NBEA: variants seen among roughly 807,000 people sequenced by gnomAD.
NBEA encodes neurobeachin.
NBEA carries 44 observed loss-of-function variants against 343.4 expected under a neutral mutation model. The ratio of observed to expected loss-of-function variants is 0.13; its 90% confidence interval spans 0.10 to 0.16. The LOEUF (loss-of-function observed/expected upper bound fraction) is 0.16, where lower values mean the gene tolerates loss of function less well. Among genes scored for constraint, NBEA ranks in the 10% least tolerant of loss-of-function variants. The pLI, the probability that NBEA is intolerant of heterozygous loss-of-function variation, is 1.00. For synonymous variants in NBEA, 1,175 were observed against 1,238.7 expected (o/e 0.95, Z 1.08); for missense variants, 2,555 against 3,631.3 (o/e 0.70, Z 7.62).
At chr13:35,082,624 A>G (rs1222668051) in intron 10 of NBEA, among the ~76,000 whole-genome samples, 1 of 152,056 alleles carries the variant, frequency 6.6e-6, no homozygotes, top group East Asian at 1.9e-4. Context: ...CTGGTATGAG[A>G]TGGTGTCTCA....
chr13:35,173,682 T>C, intron 27 of NBEA, 88 bp downstream of exon 27: 3 of 1,323,818 alleles, frequency 2.3e-6, no homozygotes, highest in Non-Finnish European at 2.1e-6. Context: ...ATGGTATTGC[T>C]CAGTGATAGA....
chr13:35,524,638 G>A (rs1463684776), intron 41 of NBEA, among the ~76,000 whole-genome samples: 2 of 151,696 alleles, frequency 1.3e-5, no homozygotes, highest in African/African-American at 4.8e-5. Context: ...ATTTTCCAAA[G>A]GAAAAAAACA....
rs567687129 is a variant in NBEA at position 35,653,993 on chromosome 13, G to A, written c.8036-862G>A. Among the ~76,000 whole-genome samples, 18 of 152,282 alleles carry A rather than the reference G, an allele frequency of 1.2e-4. 1 individual carries two copies. Among genetic ancestry groups the A allele is most frequent in the African/African-American group, 4.1e-4 (17 of 41,554 alleles). On this transcript the variant is annotated intron_variant, in intron 53 of 58. Coordinates refer to ENST00000379939, the MANE Select transcript of NBEA (RefSeq NM_001385012.1). ...GTTTCTTAGTAATTATTTTTATACT[G>A]TTAGTAGATATCTACAGATAGTAGT...
intron 31 of NBEA, among the ~76,000 whole-genome samples, chr13:35,205,716 C>T (rs1003118465): frequency 6.6e-6 from 1 of 151,988 alleles, no homozygotes; most frequent in African/African-American, 2.4e-5. Context: ...TATATCAGCA[C>T]TTTTGGGAGC....
At position 35,211,129 on chromosome 13, in the gene NBEA, A is replaced by G; in HGVS notation, c.5598A>G (p.Pro1866=). Residue 1866 remains proline (P), a synonymous_variant, in exon 33 of 59, where the codon CCA becomes CCG. Coordinates refer to ENST00000379939, the MANE Select transcript of NBEA (RefSeq NM_001385012.1). ...FVNGATSKNL[P]AVQTVAPMPE... ...ATGGTGCTACTAGCAAAAACCTTCC[A>G]GCTGTACAAACTGTTGCTCCAATGC... The G allele has an allele frequency of 1.3e-6, 2 of 1,553,336 alleles. No homozygotes were observed. The highest frequency in any genetic ancestry group is 1.7e-6 in the Non-Finnish European group (2 of 1,147,436).
chr13:35,591,329 T>A (rs1241155193), intron 46 of NBEA, among the ~76,000 whole-genome samples: 1 of 152,110 alleles, frequency 6.6e-6, no homozygotes, highest in African/African-American at 2.4e-5. Context: ...TTTAATATAA[T>A]TTAGTGACAG....
intron 39 of NBEA, among the ~76,000 whole-genome samples, chr13:35,446,682 T>C (rs999298542): frequency 2.6e-5 from 4 of 152,230 alleles, no homozygotes; most frequent in Non-Finnish European, 4.4e-5. Context: ...AGTAAAATAG[T>C]GAGGTTAAAT....
intron 11 of NBEA, 64 bp downstream of exon 11, chr13:35,098,469 A>ATT: frequency 4.2e-6 from 5 of 1,196,356 alleles, no homozygotes; most frequent in South Asian, 1.4e-5. Context: ...TTAATCACTA[A>ATT]TTTTTTTTTC....
intron 36 of NBEA, among the ~76,000 whole-genome samples, chr13:35,325,650 A>G (rs562817394): frequency 6.6e-6 from 1 of 152,208 alleles, no homozygotes; most frequent in Admixed American, 6.5e-5. Context: ...AAAGGATTAT[A>G]TCATGAAAAA....
chr13:35,569,089 C>T (rs1223933809), intron 45 of NBEA, among the ~76,000 whole-genome samples: 1 of 152,030 alleles, frequency 6.6e-6, no homozygotes, highest in Non-Finnish European at 1.5e-5. Flanking sequence ...ATGTATATGA[C>T]AATAATAGAG....
chr13:35,073,019 T>G (rs2063943095), intron 10 of NBEA, among the ~76,000 whole-genome samples: 3 of 152,224 alleles, frequency 2.0e-5, no homozygotes, highest in Non-Finnish European at 4.4e-5. Context: ...CCTAAATATC[T>G]GAGATTTGCT....
chr13:35,486,269 A>G (rs867995741), intron 41 of NBEA, among the ~76,000 whole-genome samples: 21 of 152,112 alleles, frequency 1.4e-4, no homozygotes, highest in Non-Finnish European at 4.4e-5. Context: ...GAAATTTATC[A>G]TATTACAGAA....
At chr13:35,512,130 T>C (rs763194066) in intron 41 of NBEA, among the ~76,000 whole-genome samples, 13 of 152,200 alleles carry the variant, frequency 8.5e-5, no homozygotes, top group Non-Finnish European at 1.6e-4. Flanking sequence ...TGAAAGCACA[T>C]GCTTTTAATT....
At chr13:35,109,155 CAAAG>C in intron 11 of NBEA, 131 bp from the exon 12 acceptor site, 1 of 758,104 alleles carries the variant, frequency 1.3e-6, no homozygotes, top group Non-Finnish European at 1.9e-6. Flanking sequence ...ATTTTAATAG[CAAAG>C]AAAACAAATG....
chr13:35,336,130 A>T (rs367799396), intron 36 of NBEA, among the ~76,000 whole-genome samples: 1 of 152,158 alleles, frequency 6.6e-6, no homozygotes, highest in East Asian at 1.9e-4. Context: ...GTGGCCACAC[A>T]TGACAAAGAA....
chr13:35,141,931 TA>T (rs2068114962), intron 17 of NBEA, among the ~76,000 whole-genome samples: 1 of 152,214 alleles, frequency 6.6e-6, no homozygotes, highest in Non-Finnish European at 1.5e-5. Flanking sequence ...GTCTGTATGT[TA>T]GGGGATACCA....
At chr13:35,328,484 A>T (rs2038721448) in intron 36 of NBEA, among the ~76,000 whole-genome samples, 1 of 152,004 alleles carries the variant, frequency 6.6e-6, no homozygotes, top group Non-Finnish European at 1.5e-5. Context: ...ACATTTTGAA[A>T]TAACTAAAGG....
At chr13:35,508,181 A>G (rs1055393607) in intron 41 of NBEA, among the ~76,000 whole-genome samples, 7 of 152,174 alleles carry the variant, frequency 4.6e-5, no homozygotes, top group Non-Finnish European at 1.0e-4. Flanking sequence ...TTTAAAGCCA[A>G]TCCTTGGACC....
At chr13:35,137,233 T>G (rs2067786869) in intron 17 of NBEA, among the ~76,000 whole-genome samples, 1 of 152,100 alleles carries the variant, frequency 6.6e-6, no homozygotes, top group East Asian at 1.9e-4. Context: ...GGTGGATCCC[T>G]TGGTCAGGAG....
Sources: allele counts gnomAD v4.1 joint callset (sites outside exome capture counted in the v4.1 genomes callset), GRCh38; gene constraint gnomAD v4.1.1; transcripts MANE v1.5; gene names NCBI Gene and HGNC (gene_info 2026-07-23, HGNC 2026-07-21).